Variants in PDZD2 observed in about 807,000 individuals in gnomAD.
The protein encoded by PDZD2 is PDZ domain containing 2.
A neutral mutation model predicts 220.7 loss-of-function variants in PDZD2; 90 were observed. That is an observed-to-expected ratio of 0.41 (90% CI 0.34 to 0.49). The LOEUF (loss-of-function observed/expected upper bound fraction) is 0.49, where lower values mean the gene tolerates loss of function less well. Ranked by LOEUF, PDZD2 falls within the 20% of genes least tolerant of loss-of-function variation. The pLI is 0.28. For missense variants in PDZD2, 3,174 were observed against 3,608.5 expected, an observed-to-expected ratio of 0.88 and a Z score of 3.08; for synonymous variants, 1,375 against 1,450.5, an observed-to-expected ratio of 0.95 and a Z score of 1.18.
At chr5:32,033,122 T>G (rs1486606040) in intron 6 of PDZD2, among the ~76,000 whole-genome samples, 1 of 152,212 alleles carries the variant, frequency 6.6e-6, no homozygotes, top group African/African-American at 2.4e-5. Context: ...AATAATAGAT[T>G]TTATCAACTG....
chr5:32,062,674 A>G (rs1289772130), intron 14 of PDZD2, among the ~76,000 whole-genome samples: 1 of 152,152 alleles, frequency 6.6e-6, no homozygotes, highest in Non-Finnish European at 1.5e-5. Flanking sequence ...AATTATAGGC[A>G]CGAGCCACCG....
chr5:31,950,729 C>T (rs1203901464), intron 2 of PDZD2, among the ~76,000 whole-genome samples: 3 of 152,174 alleles, frequency 2.0e-5, no homozygotes, highest in African/African-American at 4.8e-5. Context: ...AGACAGAGAA[C>T]CATTTCCTCA....
At chr5:31,966,274 C>G (rs1748743819) in intron 2 of PDZD2, among the ~76,000 whole-genome samples, 1 of 152,156 alleles carries the variant, frequency 6.6e-6, no homozygotes, top group Non-Finnish European at 1.5e-5. Flanking sequence ...AGTACACAGA[C>G]TATAGGTACT....
At chr5:31,649,974 A>G (rs957961170) in intron 1 of PDZD2, among the ~76,000 whole-genome samples, 92 of 148,936 alleles carry the variant, frequency 6.2e-4, no homozygotes, top group African/African-American at 2.2e-3. Flanking sequence ...ATTAAGTCTC[A>G]GGGCAAATCG....
At chr5:31,999,621 C>A (rs1165046227) in intron 4 of PDZD2, among the ~76,000 whole-genome samples, 1 of 152,166 alleles carries the variant, frequency 6.6e-6, no homozygotes, top group Non-Finnish European at 1.5e-5. Flanking sequence ...GATAGAGACA[C>A]GTGTAGTGTA....
intron 5 of PDZD2, among the ~76,000 whole-genome samples, chr5:32,003,331 C>CCCACCACACCCA (rs764711883): frequency 2.9e-5 from 2 of 69,708 alleles, no homozygotes; most frequent in Non-Finnish European, 4.9e-5. Flanking sequence ...ACACACACCC[C>CCCACCACACCCA]CACCACACCA....
chr5:31,905,129 C>G (rs916232574), intron 2 of PDZD2, among the ~76,000 whole-genome samples: 1 of 151,992 alleles, frequency 6.6e-6, no homozygotes, highest in African/African-American at 2.4e-5. Flanking sequence ...CCACCACGCC[C>G]GGCTAATTTT....
At chr5:31,818,952 T>C (rs1561483580) in intron 2 of PDZD2, among the ~76,000 whole-genome samples, 1 of 152,230 alleles carries the variant, frequency 6.6e-6, no homozygotes, top group Non-Finnish European at 1.5e-5. Flanking sequence ...CTGCCTTTGT[T>C]GATTCTTTTC....
At chr5:31,989,421 CTTTT>C (rs869045113) in intron 3 of PDZD2, among the ~76,000 whole-genome samples, 4 of 119,900 alleles carry the variant, frequency 3.3e-5, no homozygotes, top group African/African-American at 1.0e-4. Context: ...ATTTTCTTTT[CTTTT>C]TTTTTTTTTT....
chr5:31,905,861 G>T (rs557794219), intron 2 of PDZD2, among the ~76,000 whole-genome samples: 20 of 151,980 alleles, frequency 1.3e-4, no homozygotes, highest in African/African-American at 4.8e-4. Context: ...TTTGCTTATT[G>T]TTATCATCTT....
At chr5:31,869,561 C>T (rs1487114149) in intron 2 of PDZD2, among the ~76,000 whole-genome samples, 14 of 151,706 alleles carry the variant, frequency 9.2e-5, no homozygotes, top group African/African-American at 3.1e-4. Flanking sequence ...GAGACTCTGT[C>T]TCAAAAGAAA....
At chr5:32,076,567 C>A (rs1741320919) in intron 18 of PDZD2, among the ~76,000 whole-genome samples, 1 of 152,040 alleles carries the variant, frequency 6.6e-6, no homozygotes, top group Admixed American at 6.6e-5. Flanking sequence ...GAAGAAAAAA[C>A]CTTCCTCTTT....
intron 2 of PDZD2, among the ~76,000 whole-genome samples, chr5:31,958,998 T>C (rs1011258231): frequency 2.0e-5 from 3 of 152,088 alleles, no homozygotes; most frequent in African/African-American, 7.2e-5. Context: ...AGTGGCGTGA[T>C]CTCAGCTCTC....
chr5:32,082,728 G>A (rs1742093215), intron 19 of PDZD2, among the ~76,000 whole-genome samples: 1 of 152,178 alleles, frequency 6.6e-6, no homozygotes, highest in Non-Finnish European at 1.5e-5. Context: ...ATGTATGTGT[G>A]TATGTATACC....
intron 1 of PDZD2, among the ~76,000 whole-genome samples, chr5:31,705,481 T>A (rs1475435075): frequency 6.6e-6 from 1 of 152,194 alleles, no homozygotes; most frequent in Non-Finnish European, 1.5e-5. Context: ...GAAAACTACC[T>A]TGTATTGAGC....
intron 1 of PDZD2, among the ~76,000 whole-genome samples, chr5:31,715,892 A>C (rs1286693749): frequency 3.9e-5 from 6 of 152,204 alleles, no homozygotes; most frequent in Admixed American, 3.9e-4. Context: ...TTGTGAAGTC[A>C]TTCCTGAAAA....
chr5:31,978,952 T>C (rs1750034769), intron 2 of PDZD2, among the ~76,000 whole-genome samples: 1 of 152,102 alleles, frequency 6.6e-6, no homozygotes, highest in African/African-American at 2.4e-5. Flanking sequence ...TAAACTCCTC[T>C]TGGCTTTGTC....
At chr5:32,002,956 A>T (rs1363388251) in intron 5 of PDZD2, among the ~76,000 whole-genome samples, 54 of 97,382 alleles carry the variant, frequency 5.5e-4, no homozygotes, top group African/African-American at 2.0e-3. Context: ...CACACACACC[A>T]CACACACACC....
At chr5:31,855,229 C>A in intron 2 of PDZD2, 2 of 529,468 alleles carry the variant, frequency 3.8e-6, no homozygotes, top group South Asian at 8.1e-5. Context: ...AGGTCGGGTG[C>A]AGACTGGGGC....
Sources: gnomAD v4.1 joint callset for allele counts (sites outside exome capture counted in the v4.1 genomes callset) on GRCh38, gnomAD v4.1.1 for gene constraint, MANE v1.5 for transcripts, NCBI Gene and HGNC (gene_info 2026-07-23, HGNC 2026-07-21) for gene names.